The following SNX24 variants were observed in gnomAD, a reference collection of about 807,000 sequenced individuals.
The protein encoded by SNX24 is sorting nexin-24.
Under a neutral mutation model 28.7 loss-of-function variants are expected in SNX24, and 22 were observed. The observed-to-expected ratio is 0.77, with a 90% CI of 0.55 to 1.10. SNX24 has a LOEUF of 1.10. Among genes scored for constraint, SNX24 ranks in the 50% least tolerant of loss-of-function variants. The pLI is 0.00. For synonymous variants in SNX24, 69 were observed against 71.5 expected, an observed-to-expected ratio of 0.96 and a Z score of 0.18; for missense variants, 221 against 201.1, an observed-to-expected ratio of 1.10 and a Z score of -0.60.
At chr5:122,990,605 A>G (rs531689851) in intron 3 of SNX24, among the ~76,000 whole-genome samples, 21 of 152,326 alleles carry the variant, frequency 1.4e-4, no homozygotes, top group African/African-American at 5.1e-4. Flanking sequence ...TCAATTCATC[A>G]ACACATATGG....
At chr5:122,891,089 G>A in intron 1 of SNX24, 1 of 1,533,500 alleles carries the variant, frequency 6.5e-7, no homozygotes, top group South Asian at 1.2e-5. Context: ...TTATTGTTCT[G>A]GAAATTGCTT....
At chr5:122,908,567 TA>T (rs887133887) in intron 1 of SNX24, among the ~76,000 whole-genome samples, 1 of 152,216 alleles carries the variant, frequency 6.6e-6, no homozygotes, top group Non-Finnish European at 1.5e-5. Flanking sequence ...GTATAAAATA[TA>T]AAAAATAATT....
chr5:122,899,705 G>A (rs994911787), intron 1 of SNX24, among the ~76,000 whole-genome samples: 11 of 152,102 alleles, frequency 7.2e-5, no homozygotes, highest in African/African-American at 2.2e-4. Flanking sequence ...CACTGTGCCT[G>A]GCCCCCTCTG....
chr5:122,956,980 A>G (rs1026488545), intron 3 of SNX24, among the ~76,000 whole-genome samples: 2 of 151,794 alleles, frequency 1.3e-5, no homozygotes, highest in African/African-American at 2.4e-5. Context: ...CCCATTTTAT[A>G]TATTGCCTTT....
At chr5:122,874,482 C>G (rs1410715317) in intron 1 of SNX24, among the ~76,000 whole-genome samples, 6 of 152,166 alleles carry the variant, frequency 3.9e-5, no homozygotes, top group Non-Finnish European at 8.8e-5. Flanking sequence ...TCCTTGTTGT[C>G]TAACATATTG....
At chr5:122,940,239 C>A (rs144973728) in intron 2 of SNX24, among the ~76,000 whole-genome samples, 154 of 152,260 alleles carry the variant, frequency 1.0e-3, no homozygotes, top group African/African-American at 3.5e-3. Context: ...GGTGATCCAC[C>A]CACCTCTGCC....
At chr5:123,025,813 CAT>C (rs762124000) in intron 5 of SNX24, 35 of 1,613,714 alleles carry the variant, frequency 2.2e-5, no homozygotes, top group African/African-American at 2.7e-5. Context: ...CCAAACACCA[CAT>C]GTTTGCCGTC....
At chr5:122,866,935 G>T (rs1303285472) in intron 1 of SNX24, among the ~76,000 whole-genome samples, 1 of 152,216 alleles carries the variant, frequency 6.6e-6, no homozygotes, top group Non-Finnish European at 1.5e-5. Flanking sequence ...AGAGCATAAA[G>T]TCCTGGGGAC....
chr5:122,889,725 G>A (rs1324932915), intron 1 of SNX24, among the ~76,000 whole-genome samples: 3 of 54,812 alleles, frequency 5.5e-5, no homozygotes, highest in Non-Finnish European at 8.3e-5. Context: ...ATATATGTAT[G>A]TGTATATATA....
intron 1 of SNX24, among the ~76,000 whole-genome samples, chr5:122,853,125 T>C (rs1755001735): frequency 7.6e-6 from 1 of 130,820 alleles, no homozygotes; most frequent in Admixed American, 7.6e-5. Flanking sequence ...CTTTTTTTTT[T>C]TTTTTTTTTT....
chr5:122,955,908 A>G (rs1397018452), intron 3 of SNX24, among the ~76,000 whole-genome samples: 4 of 152,252 alleles, frequency 2.6e-5, no homozygotes, highest in African/African-American at 9.6e-5. Context: ...GCTTCCCACT[A>G]TGCCTCTGCT....
chr5:122,882,211 A>G (rs1226647424), intron 1 of SNX24, among the ~76,000 whole-genome samples: 1 of 152,152 alleles, frequency 6.6e-6, no homozygotes, highest in Non-Finnish European at 1.5e-5. Flanking sequence ...CCAGCCTCCC[A>G]AAATGCTGGT....
chr5:122,866,404 G>C (rs1344664317), intron 1 of SNX24, among the ~76,000 whole-genome samples: 1 of 152,090 alleles, frequency 6.6e-6, no homozygotes, highest in Non-Finnish European at 1.5e-5. Flanking sequence ...TCACCTCAGC[G>C]TGCCAAAGTG....
chr5:122,890,865 C>T (rs897408416), intron 1 of SNX24, among the ~76,000 whole-genome samples: 1 of 152,248 alleles, frequency 6.6e-6, no homozygotes, highest in African/African-American at 2.4e-5. Context: ...TGAGCAATAA[C>T]GTTAACTGTA....
intron 1 of SNX24, among the ~76,000 whole-genome samples, chr5:122,936,515 TAGAC>T: frequency 6.6e-6 from 1 of 152,316 alleles, no homozygotes; most frequent in African/African-American, 2.4e-5. Flanking sequence ...CCCTTGTTTT[TAGAC>T]AGGTTTTTGG....
intron 1 of SNX24, among the ~76,000 whole-genome samples, chr5:122,898,279 G>A (rs531495619): frequency 9.9e-5 from 15 of 152,244 alleles, no homozygotes; most frequent in Admixed American, 6.5e-4. Context: ...CCTGATACAC[G>A]TAATAAAAAT....
At chr5:122,965,067 C>G (rs750640630) in intron 3 of SNX24, among the ~76,000 whole-genome samples, 1 of 152,144 alleles carries the variant, frequency 6.6e-6, no homozygotes. Flanking sequence ...GCAAACTAAG[C>G]AAGTCAAGAG....
At chr5:122,971,378 C>A (rs1164620079) in intron 3 of SNX24, among the ~76,000 whole-genome samples, 2 of 152,138 alleles carry the variant, frequency 1.3e-5, no homozygotes, top group African/African-American at 4.8e-5. Flanking sequence ...TTTGGCAGCA[C>A]CCTCACAGAC....
intron 1 of SNX24, among the ~76,000 whole-genome samples, chr5:122,902,336 G>C (rs903638106): frequency 2.0e-5 from 3 of 152,234 alleles, no homozygotes; most frequent in African/African-American, 7.2e-5. Flanking sequence ...AGGTTCAAGA[G>C]GCTGAAGAAG....
Sources: allele counts gnomAD v4.1 joint callset (sites outside exome capture counted in the v4.1 genomes callset), GRCh38; gene constraint gnomAD v4.1.1; transcripts MANE v1.5; gene names NCBI Gene and HGNC (gene_info 2026-07-23, HGNC 2026-07-21).